The following SLC25A25 variants were observed in gnomAD, a reference collection of about 807,000 sequenced individuals.
The protein encoded by SLC25A25 is solute carrier family 25 member 25.
SLC25A25 carries 32 observed loss-of-function variants against 57.7 expected under a neutral mutation model. The ratio of observed to expected loss-of-function variants is 0.55; its 90% CI spans 0.42 to 0.74. The LOEUF is 0.74. Ranked by LOEUF, SLC25A25 falls within the 30% of genes least tolerant of loss-of-function variation. The pLI, the probability that SLC25A25 is intolerant of heterozygous loss-of-function variation, is 0.00. For missense variants in SLC25A25, 556 were observed against 701.3 expected (o/e 0.79, Z 2.34); for synonymous variants, 306 against 291.2 (o/e 1.05, Z -0.52).
intron 1 of SLC25A25, among the ~76,000 whole-genome samples, chr9:128,077,325 A>T (rs1833037780): frequency 6.6e-6 from 1 of 151,280 alleles, no homozygotes; most frequent in Non-Finnish European, 1.5e-5. Flanking sequence ...CAGGGGATCG[A>T]TACCACGGTG....
Position 128,105,720 on chromosome 9 carries a change from C to T in SLC25A25, c.784-9C>T. 1 of 1,612,448 alleles carries T rather than the reference C, an allele frequency of 6.2e-7. No homozygotes were observed. Among genetic ancestry groups the T allele is most frequent in the Non-Finnish European group, 8.5e-7 (1 of 1,180,020 alleles). ...CGGGTCCGTCTGACTGTTCGGTCCT[C>T]CCTCCCAGGTCCATGCCTCCCGCAG... is the stretch of plus-strand genomic sequence containing the variant. On this transcript the variant is annotated splice_polypyrimidine_tract_variant and intron_variant, in intron 6 of 10. Transcript: ENST00000373069.
In SLC25A25 at chr9:128,082,265, A is replaced by G. The variant is rs7863428; in HGVS notation, c.261+13685A>G. ...TTCCTAAAATGGAAATAGATCATGG[A>G]TTTCCTTTTTTCATTATTGCAGTTC... On this transcript the variant is annotated intron_variant, in intron 1 of 10. Coordinates refer to ENST00000373069, the MANE Select transcript of SLC25A25 (RefSeq NM_001330988.2). Among the ~76,000 whole-genome samples the G allele has an allele frequency of 3.8e-3, 585 of 152,144 alleles. 6 individuals carry two copies. The highest frequency in any genetic ancestry group is 0.014 in the African/African-American group (564 of 41,496).
chr9:128,088,641 T>C lies in SLC25A25; in HGVS notation c.262-12455T>C, dbSNP rs547116964. ...TACATTTCTCAGGAATCAGTGTCCT[T>C]AGCCTGTTGTCCAGCGGCTGGGAAA... On this transcript the variant is annotated intron_variant, in intron 1 of 10. Transcript: ENST00000373069. Among the ~76,000 whole-genome samples the C allele has an allele frequency of 9.8e-5, 15 of 152,352 alleles. No individual in the cohort carries two copies. In the South Asian group the frequency reaches 2.9e-3, roughly 29 times the overall value.
chr9:128,087,582 A>G (rs562985235), intron 1 of SLC25A25, among the ~76,000 whole-genome samples: 1 of 152,314 alleles, frequency 6.6e-6, no homozygotes. Context: ...TGAGCATCTT[A>G]GATTTGTAGA....
chr9:128,096,824 G>A (rs1337511500), intron 1 of SLC25A25, among the ~76,000 whole-genome samples: 2 of 152,212 alleles, frequency 1.3e-5, no homozygotes, highest in Admixed American at 6.5e-5. Context: ...TTCTGGATTG[G>A]GCAGCTTAAG....
rs754496629 is a variant in SLC25A25, at chr9:128,103,842, A to G, written c.783+3A>G. ...ACAGGCTCAAGGTGCTCATGCAGGT[A>G]TGTAGGGAAAAGGCCCCAGACCCCT... On this transcript the variant is annotated splice_donor_region_variant and intron_variant, in intron 6 of 10. Coordinates refer to ENST00000373069, the MANE Select transcript of SLC25A25 (RefSeq NM_001330988.2). The surrounding 1 kb of genome is among the most constrained non-coding windows in gnomAD (Gnocchi z 6.7). 5.7e-6 allele frequency: 9 copies of G among 1,567,214 alleles called. No individual in the cohort carries two copies. The highest frequency in any genetic ancestry group is 7.8e-6 in the Non-Finnish European group (9 of 1,156,168).
intron 1 of SLC25A25, among the ~76,000 whole-genome samples, chr9:128,078,007 CAG>C (rs1340290078): frequency 6.7e-6 from 1 of 149,498 alleles, no homozygotes; most frequent in Non-Finnish European, 1.5e-5. Flanking sequence ...GTCTGGTCAA[CAG>C]AGTGAGACTC....
chr9:128,093,950 C>T (rs557899264), intron 1 of SLC25A25, among the ~76,000 whole-genome samples: 1 of 152,264 alleles, frequency 6.6e-6, no homozygotes, highest in African/African-American at 2.4e-5. Context: ...GAGTTTGAGA[C>T]CAGCCTGGCC....
chr9:128,099,355 G>T lies in SLC25A25; in HGVS notation c.262-1741G>T. On this transcript the variant is annotated intron_variant, in intron 1 of 10. Coordinates refer to ENST00000373069, the MANE Select transcript of SLC25A25 (RefSeq NM_001330988.2). This position sits in a 1 kb window ranked among gnomAD's most constrained non-coding sequence, Gnocchi z 6.8. The stretch of plus-strand genomic sequence containing the variant: ...CCCAGGCCCTGTGAGGCAGAAGCAA[G>T]CACTTTGAGAATGCGTTGAAGCCAG... 8.0e-7 allele frequency: 1 copy of T among 1,246,724 alleles called. No individual in the cohort carries two copies. Among genetic ancestry groups the T allele is most frequent in the Non-Finnish European group, 1.0e-6 (1 of 969,810 alleles). 77.2% of individuals were successfully genotyped at this position (1,246,724 alleles called of 1,614,324 possible).
intron 1 of SLC25A25, among the ~76,000 whole-genome samples, chr9:128,083,764 C>T (rs994402833): frequency 1.6e-4 from 25 of 151,710 alleles, no homozygotes; most frequent in Non-Finnish European, 3.1e-4. Context: ...ATGATCCGCC[C>T]GCCTCGGCCT....
chr9:128,090,718 G>A (rs1235939870), intron 1 of SLC25A25, among the ~76,000 whole-genome samples: 3 of 152,124 alleles, frequency 2.0e-5, no homozygotes, highest in African/African-American at 4.8e-5. Flanking sequence ...GGCTGAGGCA[G>A]GAGAATTCGC....
At position 128,068,356 on chromosome 9, in the gene SLC25A25, C is replaced by T. The variant is rs1832825963; in HGVS notation, c.37C>T (p.Pro13Ser). Reference protein sequence around the residue: ...SSVLCRCVASPPPDAAATAAS... With the variant: ...SSVLCRCVASSPPDAAATAAS... ...TGTGTTGTGCCGCTGTGTGGCCTCC[C>T]CGCCGCCGGACGCCGCCGCCACCGC... Residue 13 changes from proline (P) to serine (S), a missense_variant, in exon 1 of 11, where the codon CCG (proline) becomes TCG (serine). Pro to Ser is a moderately conservative substitution (Grantham distance 74). Around this residue, in one of 3 missense-constraint regions of SLC25A25, gnomAD observed 248 missense variants for 273.5 expected, o/e 0.91. Coordinates refer to ENST00000373069, the MANE Select transcript of SLC25A25 (RefSeq NM_001330988.2). The T allele has an allele frequency of 3.2e-6, 5 of 1,540,622 alleles. No individual in the cohort carries two copies. In the African/African-American group the frequency reaches 7.1e-5, roughly 22 times the overall value.
intron 1 of SLC25A25, among the ~76,000 whole-genome samples, chr9:128,070,399 C>A (rs1253129740): frequency 6.8e-6 from 1 of 146,872 alleles, no homozygotes; most frequent in African/African-American, 2.5e-5. Context: ...CGCCCGGCCA[C>A]CCAGCTAATT....
Position 128,105,857 on chromosome 9 carries a change from C to T in SLC25A25, c.912C>T (p.Ala304=), listed in dbSNP as rs778922590. The T allele has an allele frequency of 3.7e-6, 6 of 1,614,160 alleles. No homozygotes were observed. Among genetic ancestry groups the T allele is most frequent in the Non-Finnish European group, 4.2e-6 (5 of 1,180,038 alleles). ...TCCTCAAAATTGCCCCCGAATCAGC[C>T]ATCAAATTCATGGCCTATGAGCAGG... The part of the protein sequence containing the change: ...INVLKIAPES[A]IKFMAYEQIK... Residue 304 remains alanine, a synonymous_variant, in exon 7 of 11, where the codon GCC becomes GCT. Transcript: ENST00000373069.
chr9:128,090,660 C>T (rs182952541), intron 1 of SLC25A25, among the ~76,000 whole-genome samples: 132 of 152,066 alleles, frequency 8.7e-4, no homozygotes, highest in Middle Eastern at 3.4e-3. Context: ...AAAATACAAA[C>T]ATTAGATAGG....
At chr9:128,097,474 G>C (rs1291682711) in intron 1 of SLC25A25, among the ~76,000 whole-genome samples, 4 of 152,192 alleles carry the variant, frequency 2.6e-5, no homozygotes, top group Non-Finnish European at 5.9e-5. Context: ...TGTCACACAG[G>C]CTGGAGTGCA....
chr9:128,105,677 AG>A, intron 6 of SLC25A25, 51 bp from the exon 7 acceptor site: 1 of 1,611,122 alleles, frequency 6.2e-7, no homozygotes, highest in South Asian at 1.1e-5. Context: ...TGGCCGGGTG[AG>A]GCAGCCTGTG....
intron 1 of SLC25A25, among the ~76,000 whole-genome samples, chr9:128,084,884 G>A (rs1248455461): frequency 6.6e-6 from 1 of 152,164 alleles, no homozygotes; most frequent in African/African-American, 2.4e-5. Context: ...TTCTATTGAT[G>A]TTTATAAGCT....
chr9:128,083,839 A>G (rs1335107276), intron 1 of SLC25A25, among the ~76,000 whole-genome samples: 1 of 151,912 alleles, frequency 6.6e-6, no homozygotes, highest in Non-Finnish European at 1.5e-5. Context: ...TTTCTAAGAT[A>G]GGTACTAGGC....
Sources: gnomAD v4.1 joint callset for allele counts (sites outside exome capture counted in the v4.1 genomes callset) on GRCh38, gnomAD v4.1.1 for gene constraint, gnomAD v4.1.1 regional missense constraint, Gnocchi (gnomAD v3.1) non-coding constraint, MANE v1.5 for transcripts, NCBI Gene and HGNC (gene_info 2026-07-23, HGNC 2026-07-21) for gene names.